Variants in EPHB1 observed in about 807,000 individuals in gnomAD.
The protein encoded by EPHB1 is EPH receptor B1.
In EPHB1, 30 loss-of-function variants were observed where a neutral mutation model predicts 94.4. The ratio of observed to expected loss-of-function variants is 0.32; its 90% CI spans 0.24 to 0.43. The LOEUF (loss-of-function observed/expected upper bound fraction) is 0.43. Ranked by LOEUF, EPHB1 falls within the 20% of genes least tolerant of loss-of-function variation. The pLI, the probability that EPHB1 is intolerant of heterozygous loss-of-function variation, is 1.00. For missense variants in EPHB1, 1,055 were observed against 1,308.3 expected (o/e 0.81, Z 2.99); for synonymous variants, 522 against 489.1 (o/e 1.07, Z -0.89).
intron 5 of EPHB1, among the ~76,000 whole-genome samples, chr3:135,141,830 A>T (rs1005188467): frequency 6.6e-6 from 1 of 152,194 alleles, no homozygotes; most frequent in Non-Finnish European, 1.5e-5. Flanking sequence ...GGAAGCACTG[A>T]AAACCATGTT....
Position 135,248,004 on chromosome 3 carries a change from C to T in EPHB1, c.2497-312C>T, listed in dbSNP as rs137910844. ...TTGGGCCCTATGTCTTCTTAAAGAG[C>T]GGAGATGCTCAAGCTGTTCACTGGC... On this transcript the variant is annotated intron_variant, in intron 13 of 15. Coordinates refer to ENST00000398015, the MANE Select transcript of EPHB1 (RefSeq NM_004441.5). Among the ~76,000 whole-genome samples, 25 of 152,278 alleles carry T rather than the reference C, an allele frequency of 1.6e-4. No homozygotes were observed. In the East Asian group the frequency reaches 3.5e-3, roughly 21 times the overall value.
intron 4 of EPHB1, among the ~76,000 whole-genome samples, chr3:135,116,172 C>T (rs889734962): frequency 3.3e-5 from 5 of 152,184 alleles, no homozygotes; most frequent in Non-Finnish European, 7.3e-5. Flanking sequence ...CGAGATCGTG[C>T]CACTGCACTC....
chr3:134,811,242 GTTTTT>G lies in EPHB1; in HGVS notation c.58+15570_58+15574del, dbSNP rs397966930. On this transcript the variant is annotated intron_variant, in intron 1 of 15. Coordinates refer to ENST00000398015, the MANE Select transcript of EPHB1 (RefSeq NM_004441.5). ...TCTCATAGTTGCCCCTACTAAGAAG[GTTTTT>G]TTTTTTTTTTTTTTTTCTGTCTTGC... 1.4e-3 allele frequency among the ~76,000 whole-genome samples: 103 copies of G among 73,896 alleles called. 5 individuals carry two copies. The highest frequency in any genetic ancestry group is 2.3e-3 in the Non-Finnish European group (82 of 36,388). The allele number at this position is 73,896 out of a possible 152,430, so 48.5% of individuals were successfully genotyped here.
At chr3:134,952,369 TCTCA>T (rs1213052452) in intron 3 of EPHB1, among the ~76,000 whole-genome samples, 3 of 121,228 alleles carry the variant, frequency 2.5e-5, no homozygotes, top group African/African-American at 7.5e-5. Flanking sequence ...TCTCTCTCTC[TCTCA>T]CACACACACA....
chr3:134,820,623 T>A lies in EPHB1; in HGVS notation c.58+24934T>A, dbSNP rs370136345. Among the ~76,000 whole-genome samples the A allele has an allele frequency of 1.0e-3, 153 of 152,342 alleles. 2 individuals carry two copies. The South Asian group carries it at 0.032, about 31-fold the overall frequency. ...AATAATTAGAGCTCAAGCAATTCTT[T>A]CACAGCAAGTTCTTGATGTTTTATT... On this transcript the variant is annotated intron_variant, in intron 1 of 15. Transcript: ENST00000398015.
At chr3:134,803,852 A>G (rs1388528985) in intron 1 of EPHB1, among the ~76,000 whole-genome samples, 1 of 152,130 alleles carries the variant, frequency 6.6e-6, no homozygotes, top group Non-Finnish European at 1.5e-5. Context: ...GGAGCTGTCT[A>G]TCCTTGTCCT....
At chr3:135,014,361 C>T (rs988074711) in intron 3 of EPHB1, among the ~76,000 whole-genome samples, 4 of 152,164 alleles carry the variant, frequency 2.6e-5, no homozygotes, top group African/African-American at 9.7e-5. Flanking sequence ...CTGAGAACTG[C>T]TTCAAAGCTT....
chr3:134,850,105 C>G (rs999519583), intron 1 of EPHB1, among the ~76,000 whole-genome samples: 3 of 152,182 alleles, frequency 2.0e-5, no homozygotes, highest in Non-Finnish European at 2.9e-5. Flanking sequence ...GGGCTGCAGA[C>G]GAGCAGAGCT....
intron 10 of EPHB1, among the ~76,000 whole-genome samples, chr3:135,192,206 A>G (rs1942472372): frequency 1.9e-5 from 1 of 53,294 alleles, no homozygotes; most frequent in Non-Finnish European, 3.7e-5. Context: ...TTGCACCAGT[A>G]TCTGCTAAAA....
intron 2 of EPHB1, among the ~76,000 whole-genome samples, chr3:134,948,990 T>G (rs1165920515): frequency 1.3e-5 from 2 of 151,452 alleles, no homozygotes; most frequent in African/African-American, 2.4e-5. Flanking sequence ...GGAGACAGAG[T>G]TGTGAGTTTG....
chr3:134,828,318 A>G (rs891332735), intron 1 of EPHB1, among the ~76,000 whole-genome samples: 1 of 152,238 alleles, frequency 6.6e-6, no homozygotes, highest in Non-Finnish European at 1.5e-5. Flanking sequence ...TAGACTTTGA[A>G]TATAGTGTAA....
chr3:135,032,527 G>C (rs765211688), intron 3 of EPHB1, among the ~76,000 whole-genome samples: 1 of 152,102 alleles, frequency 6.6e-6, no homozygotes, highest in Middle Eastern at 3.4e-3. Flanking sequence ...TGTTACCTCA[G>C]ACTGAGGGCT....
chr3:135,214,619 A>G lies in EPHB1; in HGVS notation c.2346+12930A>G, dbSNP rs531737572. ...GTGTAGGCAGCACCCTCATCTCACC[A>G]CCACCAACCCCACACACACCCATTA... On this transcript the variant is annotated intron_variant, in intron 12 of 15. Transcript: ENST00000398015. Among the ~76,000 whole-genome samples the G allele has an allele frequency of 5.3e-5, 8 of 152,210 alleles. No homozygotes were observed. In the East Asian group the frequency reaches 1.5e-3, roughly 29 times the overall value.
chr3:134,844,896 G>T, intron 1 of EPHB1, among the ~76,000 whole-genome samples: 1 of 152,186 alleles, frequency 6.6e-6, no homozygotes, highest in Non-Finnish European at 1.5e-5. Flanking sequence ...GTTTTGATGT[G>T]ACGGACTTTT....
At chr3:134,821,388 G>T (rs9811000) in intron 1 of EPHB1, among the ~76,000 whole-genome samples, 92,348 of 151,344 alleles carry the variant, frequency 0.61, 31,112 homozygotes, top group East Asian at 0.84. Flanking sequence ...TAAAGTTAAG[G>T]AAAAAATATT....
chr3:135,254,531 T>C (rs1933280899), intron 15 of EPHB1, among the ~76,000 whole-genome samples: 1 of 151,528 alleles, frequency 6.6e-6, no homozygotes, highest in Non-Finnish European at 1.5e-5. Flanking sequence ...GATTTGCGTA[T>C]ATTGAACCAG....
rs67059261 is a variant in EPHB1 at position 135,114,728 on chromosome 3, G to GATAAATAAATAAATAA, written c.961+8151_961+8166dup. Among the ~76,000 whole-genome samples the GATAAATAAATAAATAA allele has an allele frequency of 4.2e-3, 563 of 133,716 alleles. 6 individuals carry two copies. Among genetic ancestry groups the GATAAATAAATAAATAA allele is most frequent in the East Asian group, 0.013 (57 of 4,506 alleles). The allele number at this position is 133,716 out of a possible 152,430, so 87.7% of individuals were successfully genotyped here. A position where few individuals can be genotyped will look rare whatever the true frequency, so the allele number is the denominator to read the frequency against. On this transcript the variant is annotated intron_variant, in intron 4 of 15. Transcript: ENST00000398015. ...ATAGAGCAAGACTCTGTCTCAGATA[G>GATAAATAAATAAATAA]ATAAATAAATAAATAAATAAATAAA...
chr3:135,153,172 T>G (rs189811256), intron 5 of EPHB1, among the ~76,000 whole-genome samples: 42 of 152,204 alleles, frequency 2.8e-4, no homozygotes, highest in African/African-American at 8.9e-4. Flanking sequence ...GAATTGAGGA[T>G]AGTAAATGTC....
At chr3:135,121,013 A>T (rs1939938075) in intron 4 of EPHB1, among the ~76,000 whole-genome samples, 1 of 152,188 alleles carries the variant, frequency 6.6e-6, no homozygotes, top group African/African-American at 2.4e-5. Context: ...ATCTGCATGC[A>T]GCAGGGACTC....
Sources: gnomAD v4.1 joint callset for allele counts (sites outside exome capture counted in the v4.1 genomes callset) on GRCh38, gnomAD v4.1.1 for gene constraint, MANE v1.5 for transcripts, NCBI Gene and HGNC (gene_info 2026-07-23, HGNC 2026-07-21) for gene names.